The following ORC5 variants were observed in gnomAD, a reference collection of about 807,000 sequenced individuals.
ORC5 encodes the protein protein phosphatase 1, regulatory subunit 117.
ORC5 carries 39 observed loss-of-function variants against 58.8 expected under a neutral mutation model. That is an observed-to-expected ratio of 0.66 (90% CI 0.51 to 0.87). The LOEUF is 0.87. Ranked by LOEUF, ORC5 falls within the 40% of genes least tolerant of loss-of-function variation. The pLI is 0.00. For missense variants in ORC5, 493 were observed against 506.3 expected, an observed-to-expected ratio of 0.97 and a Z score of 0.25; for synonymous variants, 218 against 177.6, an observed-to-expected ratio of 1.23 and a Z score of -1.81.
chr7:104,144,398 G>A (rs1180914046), intron 12 of ORC5, among the ~76,000 whole-genome samples: 1 of 152,008 alleles, frequency 6.6e-6, no homozygotes. Flanking sequence ...TCCTTAAATT[G>A]GCTAATTTTT....
intron 5 of ORC5, among the ~76,000 whole-genome samples, chr7:104,191,906 T>C (rs982998254): frequency 1.4e-4 from 22 of 151,906 alleles, no homozygotes; most frequent in Non-Finnish European, 1.5e-5. Flanking sequence ...TGTGAGGGAG[T>C]AGGAACATCC....
Position 104,207,884 on chromosome 7 carries a change from C to T in ORC5, c.21G>A (p.Val7=), listed in dbSNP as rs141347423. 6.2e-7 allele frequency: 1 copy of T among 1,614,198 alleles called. No homozygotes were observed. The highest frequency in any genetic ancestry group is 1.1e-5 in the South Asian group (1 of 91,082). MPHLEN[V]VLCRESQVSI... ...ACACTTGAGACTCGCGACAAAGCAC[C>T]ACGTTTTCCAAGTGGGGCATTCTGG... is the stretch of plus-strand genomic sequence containing the variant. The change falls in exon 1 of 14, where the codon GTG becomes GTA. Residue 7 remains valine (V), a synonymous_variant. Coordinates refer to ENST00000297431, the MANE Select transcript of ORC5 (RefSeq NM_002553.4).
Position 104,166,843 on chromosome 7 carries a change from T to C in ORC5, c.919A>G (p.Lys307Glu). The change falls in exon 10 of 14, where the codon AAG (lysine) becomes GAG (glutamate). Residue 307 changes from lysine (K) to glutamate (E), a missense_variant. Physicochemically the swap from Lys to Glu is moderately conservative, Grantham distance 56. Around this residue, in one of 3 missense-constraint regions of ORC5, gnomAD observed 412 missense variants for 403.7 expected, o/e 1.02. Transcript: ENST00000297431. ...HTHVELPYYSKFILIAAYLAS... is the reference protein window; with the variant it reads ...HTHVELPYYSEFILIAAYLAS... ...AGGTATGCAGCAATTAGAATGAACT[T>C]AGAGTAATATGGAAGTTCCACATGA... 1 of 1,612,626 alleles carries C rather than the reference T, an allele frequency of 6.2e-7. No homozygotes were observed. Among genetic ancestry groups the C allele is most frequent in the Non-Finnish European group, 8.5e-7 (1 of 1,178,842 alleles).
At position 104,207,971 on chromosome 7, in the gene ORC5, C is replaced by A. The variant is rs1359154313; in HGVS notation, c.-67G>T. ...AGGACCCTTGCACAAGACGGAGCCTCTCCCGAGTCTGGCGGCCCACGCTCC... is the reference window on the plus strand; with the variant it reads ...AGGACCCTTGCACAAGACGGAGCCTATCCCGAGTCTGGCGGCCCACGCTCC... On this transcript the variant is annotated 5_prime_UTR_variant, in exon 1 of 14. Coordinates refer to ENST00000297431, the MANE Select transcript of ORC5 (RefSeq NM_002553.4). 4 of 1,451,018 alleles carry A rather than the reference C, an allele frequency of 2.8e-6. No homozygotes were observed. The highest frequency in any genetic ancestry group is 1.8e-5 in the Admixed American group (1 of 56,994). The allele number at this position is 1,451,018 out of a possible 1,614,324, so 89.9% of individuals were successfully genotyped here.
intron 8 of ORC5, among the ~76,000 whole-genome samples, chr7:104,172,944 G>A (rs1799241125): frequency 6.6e-6 from 1 of 150,568 alleles, no homozygotes. Context: ...GCATAAATAT[G>A]GCAAAGCTAG....
intron 5 of ORC5, among the ~76,000 whole-genome samples, chr7:104,194,297 T>C (rs1454373914): frequency 2.0e-5 from 3 of 152,058 alleles, no homozygotes; most frequent in African/African-American, 7.2e-5. Flanking sequence ...GACAAAAATG[T>C]GTTAATCTTA....
Position 104,173,045 on chromosome 7 carries a change from C to A in ORC5, c.825-4520G>T, listed in dbSNP as rs929771425. Among the ~76,000 whole-genome samples, 3 of 149,104 alleles carry A rather than the reference C, an allele frequency of 2.0e-5. No individual in the cohort carries two copies. The South Asian group carries it at 6.4e-4, about 32-fold the overall frequency. ...CATAATGGAGTCACATGTGCTAAAACCCCCAACAAGTAGAGCCAGGGAGGG... is the reference window on the plus strand; with the variant it reads ...CATAATGGAGTCACATGTGCTAAAAACCCCAACAAGTAGAGCCAGGGAGGG... On this transcript the variant is annotated intron_variant, in intron 8 of 13. Transcript: ENST00000297431.
Position 104,172,594 on chromosome 7 carries a change from T to C in ORC5, c.825-4069A>G, listed in dbSNP as rs1799234129. 2.6e-5 allele frequency among the ~76,000 whole-genome samples: 4 copies of C among 152,320 alleles called. No homozygotes were observed. In the South Asian group the frequency reaches 8.3e-4, roughly 32 times the overall value. ...GAAAGAAAAGCAGACAGTGTTGATA[T>C]TTTTAGGTTTCCTATATTGATTTGT... is the stretch of plus-strand genomic sequence containing the variant. On this transcript the variant is annotated intron_variant, in intron 8 of 13. Transcript: ENST00000297431.
At chr7:104,144,298 A>G (rs2115782734) in intron 12 of ORC5, among the ~76,000 whole-genome samples, 1 of 152,288 alleles carries the variant, frequency 6.6e-6, no homozygotes. Flanking sequence ...TACTAAATGA[A>G]AACTACTGGA....
rs1270082228 is a variant in ORC5, at chr7:104,184,125, TCTC to T, written c.728_730del (p.Gly243del). On this transcript the variant is annotated inframe_deletion, in exon 7 of 14. Transcript: ENST00000297431. Reference sequence around the variant, plus strand: ...AATGAGTAAAATTACACAGTTACCTTCTCCTTTAACCACGGGTTCACAATATTT... The same window carrying T: ...AATGAGTAAAATTACACAGTTACCTTCTTTAACCACGGGTTCACAATATTT... The T allele has an allele frequency of 4.0e-5, 64 of 1,590,968 alleles. No individual in the cohort carries two copies. The highest frequency in any genetic ancestry group is 5.4e-5 in the Non-Finnish European group (63 of 1,164,174).
chr7:104,160,676 A>G (rs527623056), intron 12 of ORC5, among the ~76,000 whole-genome samples: 1 of 152,154 alleles, frequency 6.6e-6, no homozygotes, highest in African/African-American at 2.4e-5. Flanking sequence ...TGCAAAGTAC[A>G]TAGATGAGGA....
At chr7:104,141,104 G>T (rs1224524165) in intron 12 of ORC5, among the ~76,000 whole-genome samples, 1 of 152,158 alleles carries the variant, frequency 6.6e-6, no homozygotes, top group Non-Finnish European at 1.5e-5. Context: ...CTAAGAAAGT[G>T]CAGATCTAAC....
intron 8 of ORC5, among the ~76,000 whole-genome samples, chr7:104,171,155 G>A (rs1054662974): frequency 1.3e-5 from 2 of 152,146 alleles, no homozygotes; most frequent in African/African-American, 4.8e-5. Context: ...ACCTGAAAAT[G>A]CTTTTTAAAC....
chr7:104,175,763 C>T (rs563633771), intron 8 of ORC5, among the ~76,000 whole-genome samples: 16 of 151,924 alleles, frequency 1.1e-4, no homozygotes, highest in Non-Finnish European at 1.8e-4. Context: ...CCTGCTAAAA[C>T]GCTTCCAAAA....
chr7:104,151,544 C>T (rs183755913), intron 12 of ORC5, among the ~76,000 whole-genome samples: 7 of 152,178 alleles, frequency 4.6e-5, no homozygotes, highest in African/African-American at 9.6e-5. Context: ...TCTAATAACG[C>T]GTATACTACA....
chr7:104,141,201 G>A (rs1326133530), intron 12 of ORC5, among the ~76,000 whole-genome samples: 2 of 152,178 alleles, frequency 1.3e-5, no homozygotes, highest in Middle Eastern at 3.2e-3. Context: ...GCATTCAACA[G>A]AATAAACCCA....
At chr7:104,155,781 A>C (rs1798916357) in intron 12 of ORC5, among the ~76,000 whole-genome samples, 1 of 151,480 alleles carries the variant, frequency 6.6e-6, no homozygotes, top group Non-Finnish European at 1.5e-5. Context: ...GCTCTGACCT[A>C]ACTACAAGAG....
At chr7:104,197,702 A>T in intron 4 of ORC5, 23 bp downstream of exon 4, 1 of 1,535,100 alleles carries the variant, frequency 6.5e-7, no homozygotes, top group Admixed American at 1.8e-5. Flanking sequence ...TGTGGGGAGA[A>T]AGCACTTTCT....
At chr7:104,161,017 T>C in intron 12 of ORC5, 55 bp downstream of exon 12, 1 of 949,034 alleles carries the variant, frequency 1.1e-6, no homozygotes. Context: ...CTATTGACTC[T>C]ACTATCTGAA....
Sources: gnomAD v4.1 joint callset for allele counts (sites outside exome capture counted in the v4.1 genomes callset) on GRCh38, gnomAD v4.1.1 for gene constraint, gnomAD v4.1.1 regional missense constraint, MANE v1.5 for transcripts, NCBI Gene and HGNC (gene_info 2026-07-23, HGNC 2026-07-21) for gene names.